Variants in PLXDC2 observed in about 807,000 individuals in gnomAD.
PLXDC2 encodes the protein plexin domain-containing protein 2.
A neutral mutation model predicts 68.9 loss-of-function variants in PLXDC2; 40 were observed. That is an observed-to-expected ratio of 0.58 (90% CI 0.45 to 0.76). The LOEUF (loss-of-function observed/expected upper bound fraction) is 0.76, where lower values mean the gene tolerates loss of function less well. Ranked by LOEUF, PLXDC2 falls within the 30% of genes least tolerant of loss-of-function variation. The pLI is 0.00. For missense variants in PLXDC2, 644 were observed against 661.9 expected (o/e 0.97, Z 0.30); for synonymous variants, 243 against 234.2 (o/e 1.04, Z -0.34).
At chr10:20,051,466 T>C (rs1425852092) in intron 3 of PLXDC2, among the ~76,000 whole-genome samples, 1 of 145,574 alleles carries the variant, frequency 6.9e-6, no homozygotes, top group Non-Finnish European at 1.5e-5. Flanking sequence ...TTATATTGTA[T>C]CTCAAGATGC....
chr10:20,164,633 C>A, intron 7 of PLXDC2, 66 bp downstream of exon 7: 2 of 1,193,824 alleles, frequency 1.7e-6, no homozygotes, highest in Non-Finnish European at 2.5e-6. Context: ...GGAGATTGGT[C>A]TATGGCAGCT....
At chr10:19,973,334 ATGTGTATATATG>A in intron 1 of PLXDC2, among the ~76,000 whole-genome samples, 2 of 148,316 alleles carry the variant, frequency 1.3e-5, no homozygotes, top group African/African-American at 2.5e-5. Context: ...ATACATATAT[ATGTGTATATATG>A]TATACTCACA....
chr10:20,245,674 T>TA (rs1469522063), intron 13 of PLXDC2, among the ~76,000 whole-genome samples, 169 bp downstream of exon 13: 1 of 152,234 alleles, frequency 6.6e-6, no homozygotes, highest in Non-Finnish European at 1.5e-5. Context: ...TACATATTGA[T>TA]AGATTGCTTT....
intron 12 of PLXDC2, among the ~76,000 whole-genome samples, chr10:20,244,907 G>C (rs1835568655): frequency 6.6e-6 from 1 of 152,142 alleles, no homozygotes; most frequent in Non-Finnish European, 1.5e-5. Flanking sequence ...CCTGAATCAG[G>C]ATTTCGAGAC....
chr10:20,088,187 G>T (rs1200148289), intron 4 of PLXDC2, among the ~76,000 whole-genome samples: 24 of 152,112 alleles, frequency 1.6e-4, no homozygotes, highest in Admixed American at 1.6e-3. Context: ...CTGACAAGTG[G>T]TCCCTAATGT....
At chr10:20,050,588 C>A (rs185556218) in intron 3 of PLXDC2, among the ~76,000 whole-genome samples, 8 of 151,508 alleles carry the variant, frequency 5.3e-5, no homozygotes, top group Non-Finnish European at 1.0e-4. Flanking sequence ...GTGCAGCCAA[C>A]AAGCATATGA....
chr10:20,036,839 G>A (rs891865810), intron 2 of PLXDC2, among the ~76,000 whole-genome samples: 1 of 152,160 alleles, frequency 6.6e-6, no homozygotes, highest in African/African-American at 2.4e-5. Flanking sequence ...ACACATTTGT[G>A]AATTTCGCCT....
At chr10:20,238,677 G>GTATATATATATGTATATATATATA (rs1835469674) in intron 12 of PLXDC2, among the ~76,000 whole-genome samples, 2 of 76,882 alleles carry the variant, frequency 2.6e-5, no homozygotes, top group Admixed American at 1.4e-4. Context: ...ATATATATAT[G>GTATATATATATGTATATATATATA]TATATATATA....
intron 1 of PLXDC2, among the ~76,000 whole-genome samples, chr10:19,829,281 T>G (rs1836638814): frequency 6.6e-6 from 1 of 151,592 alleles, no homozygotes. Flanking sequence ...TAAACTGCCT[T>G]CTGTGACTCA....
chr10:20,126,318 A>T (rs900215174), intron 4 of PLXDC2, among the ~76,000 whole-genome samples: 1 of 86,172 alleles, frequency 1.2e-5, no homozygotes, highest in Non-Finnish European at 2.9e-5. Context: ...TACGTTATAT[A>T]ATATATACAT....
chr10:20,070,182 A>G (rs1288864860), intron 4 of PLXDC2, among the ~76,000 whole-genome samples: 1 of 152,240 alleles, frequency 6.6e-6, no homozygotes, highest in Admixed American at 6.5e-5. Flanking sequence ...ACAAAATGCC[A>G]TAAGGGATAG....
At chr10:19,991,383 T>G (rs1216099124) in intron 1 of PLXDC2, among the ~76,000 whole-genome samples, 1 of 151,830 alleles carries the variant, frequency 6.6e-6, no homozygotes, top group Non-Finnish European at 1.5e-5. Flanking sequence ...TTCTACCATT[T>G]TGAGGAAAGA....
At chr10:20,083,737 C>G (rs1259046144) in intron 4 of PLXDC2, among the ~76,000 whole-genome samples, 1 of 151,972 alleles carries the variant, frequency 6.6e-6, no homozygotes, top group Non-Finnish European at 1.5e-5. Context: ...GATAAAATTG[C>G]CTATTTTGTT....
At chr10:20,206,882 A>T (rs76187162) in intron 9 of PLXDC2, among the ~76,000 whole-genome samples, 1 of 151,504 alleles carries the variant, frequency 6.6e-6, no homozygotes, top group African/African-American at 2.4e-5. Context: ...ACAGACACAC[A>T]CACACACAGC....
intron 2 of PLXDC2, among the ~76,000 whole-genome samples, chr10:20,044,213 CTTTCTTTCTTTCTTTCTTTCTT>C (rs1835744398): frequency 4.2e-3 from 28 of 6,618 alleles, no homozygotes; most frequent in African/African-American, 0.011. Context: ...CTCTCTCTGT[CTTTCTTTCTTTCTTTCTTTCTT>C]TCTTTCTTTC....
chr10:19,822,848 TGATA>T (rs755358392), intron 1 of PLXDC2, among the ~76,000 whole-genome samples: 143 of 152,332 alleles, frequency 9.4e-4, no homozygotes, highest in Non-Finnish European at 1.6e-3. Context: ...AGCCTTCTGT[TGATA>T]GATAGGACTT....
At chr10:19,963,286 A>G (rs17686996) in intron 1 of PLXDC2, among the ~76,000 whole-genome samples, 7,944 of 152,268 alleles carry the variant, frequency 0.052, 268 homozygotes, top group Middle Eastern at 0.092. Context: ...ATGTATTTGA[A>G]CCAAGAGTAC....
chr10:19,947,798 C>A (rs1424321404), intron 1 of PLXDC2, among the ~76,000 whole-genome samples: 1 of 143,280 alleles, frequency 7.0e-6, no homozygotes, highest in Non-Finnish European at 1.5e-5. Flanking sequence ...GCTTTACTGT[C>A]ATGACTAATA....
chr10:19,817,727 G>T (rs976861051), intron 1 of PLXDC2, among the ~76,000 whole-genome samples: 3 of 152,226 alleles, frequency 2.0e-5, no homozygotes, highest in Non-Finnish European at 2.9e-5. Flanking sequence ...GGCGCTGGAA[G>T]GGGGGCGGGG....
Sources: allele counts gnomAD v4.1 joint callset (sites outside exome capture counted in the v4.1 genomes callset), GRCh38; gene constraint gnomAD v4.1.1; transcripts MANE v1.5; gene names NCBI Gene and HGNC (gene_info 2026-07-23, HGNC 2026-07-21).